Variants in GRM5 observed in about 807,000 individuals in gnomAD.
GRM5 encodes glutamate metabotropic receptor 5.
Under a neutral mutation model 83.1 loss-of-function variants are expected in GRM5, and 19 were observed. That is an observed-to-expected ratio of 0.23 (90% CI 0.16 to 0.34). The LOEUF (loss-of-function observed/expected upper bound fraction) is 0.34. Ranked by LOEUF, GRM5 falls within the 10% of genes least tolerant of loss-of-function variation. The probability of loss-of-function intolerance (pLI) is 1.00; values close to 1 mark genes in which losing one functional copy is unlikely to be tolerated. For missense variants in GRM5, 1,160 were observed against 1,588.3 expected (o/e 0.73, Z 4.58); for synonymous variants, 675 against 633.6 (o/e 1.07, Z -0.98).
intron 4 of GRM5, among the ~76,000 whole-genome samples, chr11:88,621,872 C>T (rs1469479534): frequency 6.6e-6 from 1 of 151,948 alleles, no homozygotes; most frequent in African/African-American, 2.4e-5. Context: ...AGAATTGAAC[C>T]AGAAAATGCA....
intron 3 of GRM5, among the ~76,000 whole-genome samples, chr11:88,717,041 A>G (rs1185279119): frequency 2.0e-5 from 3 of 151,982 alleles, no homozygotes; most frequent in Non-Finnish European, 4.4e-5. Flanking sequence ...TTCTCTTAGT[A>G]AGATAGTAAA....
intron 1 of GRM5, among the ~76,000 whole-genome samples, chr11:89,054,525 A>C (rs1367764763): frequency 6.6e-6 from 1 of 152,192 alleles, no homozygotes; most frequent in African/African-American, 2.4e-5. Flanking sequence ...AGGAGATAAA[A>C]TGTGAAGGTG....
chr11:88,765,552 T>G (rs914541365), intron 3 of GRM5, among the ~76,000 whole-genome samples: 43 of 151,676 alleles, frequency 2.8e-4, no homozygotes, highest in Non-Finnish European at 8.9e-5. Flanking sequence ...TACAGTCAAA[T>G]GGTTTTTGAG....
At chr11:88,796,698 A>G (rs921409742) in intron 3 of GRM5, among the ~76,000 whole-genome samples, 10 of 152,186 alleles carry the variant, frequency 6.6e-5, no homozygotes, top group African/African-American at 2.4e-4. Flanking sequence ...TAAATAGGCT[A>G]AAATGATTTG....
chr11:88,971,126 TGGAAA>T (rs1195773391), intron 2 of GRM5, among the ~76,000 whole-genome samples: 1 of 151,782 alleles, frequency 6.6e-6, no homozygotes, highest in Non-Finnish European at 1.5e-5. Context: ...CTTATGAATA[TGGAAA>T]GGAGATAGTT....
chr11:88,737,332 T>G (rs561620217), intron 3 of GRM5, among the ~76,000 whole-genome samples: 1 of 152,072 alleles, frequency 6.6e-6, no homozygotes, highest in Non-Finnish European at 1.5e-5. Context: ...TACAGCTATG[T>G]TGAAGTCAAG....
intron 3 of GRM5, among the ~76,000 whole-genome samples, chr11:88,812,753 A>C (rs531279789): frequency 6.0e-4 from 91 of 152,260 alleles, no homozygotes; most frequent in African/African-American, 2.2e-3. Context: ...CCCAAAACCC[A>C]GGTTTTAACA....
chr11:88,565,568 C>T (rs1347308018), intron 8 of GRM5, among the ~76,000 whole-genome samples: 1 of 152,066 alleles, frequency 6.6e-6, no homozygotes, highest in African/African-American at 2.4e-5. Flanking sequence ...GCTGATAAAA[C>T]AAAAGTTTGA....
At chr11:88,649,097 TAATA>T (rs1939551724) in intron 4 of GRM5, among the ~76,000 whole-genome samples, 1 of 144,116 alleles carries the variant, frequency 6.9e-6, no homozygotes, top group Non-Finnish European at 1.5e-5. Flanking sequence ...TTAAAATATA[TAATA>T]TATATTAAAT....
intron 8 of GRM5, among the ~76,000 whole-genome samples, chr11:88,546,942 T>G (rs1942397048): frequency 6.6e-6 from 1 of 152,108 alleles, no homozygotes; most frequent in Non-Finnish European, 1.5e-5. Flanking sequence ...GGGGAGGTAT[T>G]GAATATTTTT....
intron 3 of GRM5, among the ~76,000 whole-genome samples, chr11:88,660,392 C>A (rs1266233460): frequency 1.3e-5 from 2 of 152,128 alleles, no homozygotes; most frequent in East Asian, 3.9e-4. Flanking sequence ...TAATTATATA[C>A]AATGGGCATG....
intron 2 of GRM5, among the ~76,000 whole-genome samples, chr11:89,017,508 A>C (rs1202132484): frequency 6.6e-6 from 1 of 152,180 alleles, no homozygotes; most frequent in South Asian, 2.1e-4. Flanking sequence ...TTATCCAATA[A>C]ATACCTACTC....
At chr11:88,787,969 C>A (rs1025182216) in intron 3 of GRM5, among the ~76,000 whole-genome samples, 1 of 152,102 alleles carries the variant, frequency 6.6e-6, no homozygotes, top group African/African-American at 2.4e-5. Flanking sequence ...CATCATTATA[C>A]AATGAATTTC....
chr11:88,524,180 TC>T (rs1330275653), intron 9 of GRM5: 1 of 146,246 alleles, frequency 6.8e-6, no homozygotes, highest in Non-Finnish European at 1.5e-5. Flanking sequence ...CCTTTTCTTT[TC>T]TTTTTTCTTT....
intron 5 of GRM5, among the ~76,000 whole-genome samples, chr11:88,602,084 T>G (rs957998652): frequency 6.6e-6 from 1 of 152,274 alleles, no homozygotes; most frequent in Admixed American, 6.5e-5. Context: ...TTTTTTTCTT[T>G]TTTTTGTAAC....
chr11:88,798,318 TTCATC>T (rs1417915662), intron 3 of GRM5, among the ~76,000 whole-genome samples: 1 of 152,220 alleles, frequency 6.6e-6, no homozygotes, highest in African/African-American at 2.4e-5. Flanking sequence ...CAATTAATCT[TTCATC>T]TATCAGTCCC....
intron 7 of GRM5, among the ~76,000 whole-genome samples, chr11:88,574,283 C>T (rs900867371): frequency 1.3e-5 from 2 of 152,096 alleles, no homozygotes; most frequent in African/African-American, 4.8e-5. Context: ...ATAAGTCATT[C>T]TCAAAAAACT....
chr11:88,979,628 C>A, intron 2 of GRM5, among the ~76,000 whole-genome samples: 1 of 152,118 alleles, frequency 6.6e-6, no homozygotes. Context: ...GAAAAGCCTT[C>A]AGCTTTGCCC....
At chr11:88,796,730 T>G (rs947580792) in intron 3 of GRM5, among the ~76,000 whole-genome samples, 4 of 152,204 alleles carry the variant, frequency 2.6e-5, no homozygotes, top group African/African-American at 9.7e-5. Context: ...CTGATAAAAA[T>G]GCTCTTGAGA....
Sources: allele counts gnomAD v4.1 joint callset (sites outside exome capture counted in the v4.1 genomes callset), GRCh38; gene constraint gnomAD v4.1.1; transcripts MANE v1.5; gene names NCBI Gene and HGNC (gene_info 2026-07-23, HGNC 2026-07-21).